Variants in TENT5D observed in about 807,000 individuals in gnomAD.
The protein encoded by TENT5D is terminal nucleotidyltransferase 5D.
For missense variants in TENT5D, 191 were observed against 287.0 expected (o/e 0.67, Z 2.42); for synonymous variants, 103 against 100.6 (o/e 1.02, Z -0.15).
chrX:80,403,814 T>C, intron 3 of TENT5D, among the ~76,000 whole-genome samples: 1 of 111,902 alleles, frequency 8.9e-6, no homozygotes, highest in Non-Finnish European at 1.9e-5. Context: ...CCCAAATATC[T>C]GAGACAGGTC....
chrX:80,434,784 G>GTT lies in TENT5D; in HGVS notation c.-141-3811_-141-3810dup, dbSNP rs1289760773. 1.9e-3 allele frequency among the ~76,000 whole-genome samples: 170 copies of GTT among 90,672 alleles called. 1 individual carries two copies. The highest frequency in any genetic ancestry group is 6.2e-3 in the Middle Eastern group (1 of 162). 78.7% of individuals were successfully genotyped at this position (90,672 alleles called of 115,157 possible). ...CTTCTGAAACTTCGTTTTTTTCTTT[G>GTT]TTTTTTTTTTTTTTTTGAGACGGAG... On this transcript the variant is annotated intron_variant, in intron 1 of 2. Transcript: ENST00000308293.
At chrX:80,376,793 G>T (rs1424581103) in intron 3 of TENT5D, among the ~76,000 whole-genome samples, 1 of 111,326 alleles carries the variant, frequency 9.0e-6, no homozygotes, top group African/African-American at 3.3e-5. Flanking sequence ...ATAGCACTTT[G>T]GGTTATTATC....
intron 1 of TENT5D, among the ~76,000 whole-genome samples, chrX:80,428,950 T>C (rs1932033359): frequency 9.0e-6 from 1 of 111,728 alleles, no homozygotes; most frequent in South Asian, 3.7e-4. Context: ...AGGCCTGGAC[T>C]GGGGAGGAGA....
At chrX:80,376,117 G>A (rs1930721261) in intron 3 of TENT5D, among the ~76,000 whole-genome samples, 1 of 110,056 alleles carries the variant, frequency 9.1e-6, no homozygotes, top group South Asian at 3.8e-4. Context: ...AGACAGTTTG[G>A]TATATTTCAC....
chrX:80,395,007 C>T (rs978395464), intron 3 of TENT5D, among the ~76,000 whole-genome samples: 1 of 111,781 alleles, frequency 8.9e-6, no homozygotes, highest in African/African-American at 3.3e-5. Context: ...TGACCGATCT[C>T]TCCCCATTCT....
At chrX:80,376,455 C>A (rs1185130434) in intron 3 of TENT5D, among the ~76,000 whole-genome samples, 1 of 111,268 alleles carries the variant, frequency 9.0e-6, no homozygotes, top group Non-Finnish European at 1.9e-5. Flanking sequence ...ATATTAACAT[C>A]CTCTCCTAAT....
intron 3 of TENT5D, among the ~76,000 whole-genome samples, chrX:80,412,146 C>T (rs1228783791): frequency 1.2e-4 from 14 of 112,863 alleles, no homozygotes; most frequent in African/African-American, 3.9e-4. Context: ...AGGCTTGGGG[C>T]TCCCACCCTC....
At chrX:80,372,317 A>G (rs193074142) in intron 3 of TENT5D, among the ~76,000 whole-genome samples, 3 of 111,680 alleles carry the variant, frequency 2.7e-5, no homozygotes, top group African/African-American at 9.7e-5. Context: ...ATTATTTTCA[A>G]TACTATAGGT....
At chrX:80,410,162 C>A (rs1931616163) in intron 3 of TENT5D, among the ~76,000 whole-genome samples, 1 of 109,307 alleles carries the variant, frequency 9.1e-6, no homozygotes, top group South Asian at 4.0e-4. Flanking sequence ...CTAGGCATCA[C>A]CATTCAGGAC....
chrX:80,360,250 A>C (rs1930378792), intron 3 of TENT5D, among the ~76,000 whole-genome samples: 1 of 112,390 alleles, frequency 8.9e-6, no homozygotes, highest in African/African-American at 3.2e-5. Context: ...AATAAAATTC[A>C]GGTTATCGAT....
rs775268508 is a variant in TENT5D at position 80,424,302 on chromosome X, GAAGCTTAAA to G, written c.-142+3742_-142+3750del. Among the ~76,000 whole-genome samples, 3 of 112,058 alleles carry G rather than the reference GAAGCTTAAA, an allele frequency of 2.7e-5. No individual in the cohort carries two copies. In the East Asian group the frequency reaches 8.4e-4, roughly 31 times the overall value. On this transcript the variant is annotated intron_variant, in intron 1 of 2. Transcript: ENST00000308293. Reference sequence around the variant, plus strand: ...AAAATGAAACAAGGATGGAGGTAAAGAAGCTTAAAAATTCCAAGGCTAAGTGATGGCTAG... The same window carrying G: ...AAAATGAAACAAGGATGGAGGTAAAGAATTCCAAGGCTAAGTGATGGCTAG...
intron 3 of TENT5D, among the ~76,000 whole-genome samples, chrX:80,393,763 G>A (rs756995542): frequency 5.4e-5 from 6 of 111,165 alleles, no homozygotes; most frequent in Non-Finnish European, 9.4e-5. Flanking sequence ...GCTTTTATGA[G>A]CTCCATTATT....
chrX:80,416,531 G>A (rs1173879200), upstream of TENT5D, among the ~76,000 whole-genome samples: 1 of 109,104 alleles, frequency 9.2e-6, no homozygotes, highest in African/African-American at 3.3e-5. Context: ...CTTGATTTCT[G>A]CCTTAATTTC....
intron 3 of TENT5D, among the ~76,000 whole-genome samples, chrX:80,380,897 C>G (rs1930850377): frequency 9.0e-6 from 1 of 111,418 alleles, no homozygotes; most frequent in African/African-American, 3.3e-5. Context: ...ACTGATGGGT[C>G]TTGAATCTTT....
At chrX:80,424,888 A>G (rs1464861085) in intron 1 of TENT5D, among the ~76,000 whole-genome samples, 2 of 112,362 alleles carry the variant, frequency 1.8e-5, no homozygotes, top group Non-Finnish European at 3.8e-5. Flanking sequence ...GCACCCTTAA[A>G]TACCTGTGAG....
chrX:80,411,095 G>A (rs1369310205), intron 3 of TENT5D, among the ~76,000 whole-genome samples: 1 of 79,226 alleles, frequency 1.3e-5, no homozygotes, highest in Non-Finnish European at 2.4e-5. Context: ...GGACTGTTGT[G>A]GGGTGGGGGG....
intron 3 of TENT5D, among the ~76,000 whole-genome samples, chrX:80,369,180 G>A (rs1024906544): frequency 9.0e-6 from 1 of 111,661 alleles, no homozygotes; most frequent in Non-Finnish European, 1.9e-5. Context: ...TGTTTTCTTT[G>A]CATGGTATTT....
rs140952634 is a variant in TENT5D, at chrX:80,346,458, C to T, written c.-142+3894C>T. 5.1e-3 allele frequency among the ~76,000 whole-genome samples: 569 copies of T among 111,978 alleles called. 6 individuals carry two copies. Among genetic ancestry groups the T allele is most frequent in the African/African-American group, 0.018 (549 of 30,887 alleles). ...ATACCATCTTGCATTCTTACCAGCA[C>T]TATACAAGAGTTCTAGTTGTCACAT... On this transcript the variant is annotated intron_variant, in intron 3 of 4. Coordinates refer to the TENT5D transcript ENST00000538312.
At chrX:80,347,614 C>T (rs1930090505) in intron 3 of TENT5D, among the ~76,000 whole-genome samples, 1 of 111,876 alleles carries the variant, frequency 8.9e-6, no homozygotes, top group South Asian at 3.7e-4. Context: ...TTCTCCCATT[C>T]TGTAGGTTGC....
Sources: gnomAD v4.1 joint callset for allele counts (sites outside exome capture counted in the v4.1 genomes callset) on GRCh38, gnomAD v4.1.1 for gene constraint, MANE v1.5 for transcripts, NCBI Gene and HGNC (gene_info 2026-07-23, HGNC 2026-07-21) for gene names.